LZTFL1: variants seen among roughly 807,000 people sequenced by gnomAD.
LZTFL1 encodes leucine zipper transcription factor like 1.
LZTFL1 carries 25 observed loss-of-function variants against 45.9 expected under a neutral mutation model. That is an observed-to-expected ratio of 0.54 (90% confidence interval 0.40 to 0.76). The LOEUF (loss-of-function observed/expected upper bound fraction) is 0.76. Ranked by LOEUF, LZTFL1 falls within the 30% of genes least tolerant of loss-of-function variation. The pLI is 0.00. For missense variants in LZTFL1, 277 were observed against 331.1 expected, an observed-to-expected ratio of 0.84 and a Z score of 1.27; for synonymous variants, 93 against 117.4, an observed-to-expected ratio of 0.79 and a Z score of 1.35.
At chr3:45,896,087 C>T (rs1702347542) in intron 2 of LZTFL1, among the ~76,000 whole-genome samples, 1 of 152,144 alleles carries the variant, frequency 6.6e-6, no homozygotes, top group Non-Finnish European at 1.5e-5. Flanking sequence ...ATATCCATAA[C>T]AACAAAAAAG....
At chr3:45,913,115 C>T (rs1047778713) in intron 2 of LZTFL1, 7 of 1,535,944 alleles carry the variant, frequency 4.6e-6, no homozygotes, top group Non-Finnish European at 6.1e-6. Flanking sequence ...ATGGTTCAGA[C>T]TTACCATCTT....
At chr3:45,843,473 A>G (rs1387994962), upstream of LZTFL1, among the ~76,000 whole-genome samples, 3 of 152,192 alleles carry the variant, frequency 2.0e-5, no homozygotes, top group Non-Finnish European at 4.4e-5. Context: ...TGATCAGTAA[A>G]CAAAGTTGGT....
chr3:45,868,992 A>T (rs780769838), intron 2 of LZTFL1, among the ~76,000 whole-genome samples: 2 of 152,178 alleles, frequency 1.3e-5, no homozygotes, highest in African/African-American at 2.4e-5. Flanking sequence ...TTTTAATAAG[A>T]TCCCCACTTT....
chr3:45,888,221 C>G (rs2125737079), intron 2 of LZTFL1, among the ~76,000 whole-genome samples: 1 of 152,332 alleles, frequency 6.6e-6, no homozygotes. Context: ...TTCTGACTTT[C>G]ATGCCTTAGT....
upstream of LZTFL1, among the ~76,000 whole-genome samples, chr3:45,842,617 A>G (rs930979579): frequency 3.3e-5 from 5 of 152,014 alleles, no homozygotes; most frequent in Admixed American, 6.6e-5. Flanking sequence ...CTGTGTTGTT[A>G]TTATCTTCTC....
At chr3:45,909,117 C>T (rs781725214) in intron 2 of LZTFL1, among the ~76,000 whole-genome samples, 10 of 152,176 alleles carry the variant, frequency 6.6e-5, no homozygotes, top group African/African-American at 1.2e-4. Flanking sequence ...CCCATTACCC[C>T]GATGAGATCG....
intron 2 of LZTFL1, among the ~76,000 whole-genome samples, chr3:45,881,598 C>A (rs546747411): frequency 1.8e-4 from 28 of 152,328 alleles, no homozygotes; most frequent in African/African-American, 6.5e-4. Flanking sequence ...TGACTACTTT[C>A]TCCTCATTCC....
Position 45,900,914 on chromosome 3 carries a change from T to C in LZTFL1, c.-215+12206A>G. On this transcript the variant is annotated intron_variant, in intron 2 of 4. Coordinates refer to the LZTFL1 transcript ENST00000472635. This position sits in a 1 kb window ranked among gnomAD's most constrained non-coding sequence, Gnocchi z 4.7. ...CTGACTTCTACTGTGAGAAAAACAA[T>C]GTCAGGCAGTTTGCGAGCCATTTCC... 1 of 1,614,194 alleles carries C rather than the reference T, an allele frequency of 6.2e-7. No homozygotes were observed. Among genetic ancestry groups the C allele is most frequent in the Non-Finnish European group, 8.5e-7 (1 of 1,180,030 alleles).
intron 1 of LZTFL1, among the ~76,000 whole-genome samples, chr3:45,913,945 G>A (rs992216510): frequency 1.3e-5 from 2 of 152,140 alleles, no homozygotes; most frequent in Non-Finnish European, 2.9e-5. Context: ...CCATAAAAAA[G>A]TTATGGTTGT....
At chr3:45,908,317 C>T (rs1264310512) in intron 2 of LZTFL1, among the ~76,000 whole-genome samples, 3 of 152,196 alleles carry the variant, frequency 2.0e-5, no homozygotes, top group African/African-American at 7.2e-5. Context: ...GCTGGAGAGG[C>T]CACAAGTAGG....
chr3:45,835,308 G>T, intron 3 of LZTFL1: 1 of 353,482 alleles, frequency 2.8e-6, no homozygotes, highest in African/African-American at 2.1e-5. Context: ...TACTGACCAA[G>T]CTAACAAAAA....
At chr3:45,899,936 T>C (rs1702492900) in intron 2 of LZTFL1, among the ~76,000 whole-genome samples, 1 of 152,200 alleles carries the variant, frequency 6.6e-6, no homozygotes, top group African/African-American at 2.4e-5. Context: ...TGTATGCGCA[T>C]ATATGTGTGT....
At chr3:45,841,057 AT>A (rs906248452) in intron 1 of LZTFL1, among the ~76,000 whole-genome samples, 1 of 152,132 alleles carries the variant, frequency 6.6e-6, no homozygotes, top group African/African-American at 2.4e-5. Context: ...AGAGATACCA[AT>A]TTTTTTGTGA....
chr3:45,875,786 T>G (rs1701742099), intron 2 of LZTFL1, among the ~76,000 whole-genome samples: 1 of 152,256 alleles, frequency 6.6e-6, no homozygotes, highest in South Asian at 2.1e-4. Flanking sequence ...CAATTTTATT[T>G]GTTAAGTTTG....
intron 4 of LZTFL1, among the ~76,000 whole-genome samples, chr3:45,848,707 TTC>T (rs1367375379): frequency 6.6e-6 from 1 of 152,218 alleles, no homozygotes; most frequent in Non-Finnish European, 1.5e-5. Flanking sequence ...TTGTTTACAT[TTC>T]TCTCTGCTGT....
intron 2 of LZTFL1, among the ~76,000 whole-genome samples, chr3:45,887,145 A>G (rs1384508928): frequency 1.3e-5 from 2 of 152,182 alleles, no homozygotes; most frequent in African/African-American, 4.8e-5. Flanking sequence ...ATACGGTTCT[A>G]TGTTGAATTG....
At chr3:45,875,689 G>GAAAC (rs1701740730) in intron 2 of LZTFL1, among the ~76,000 whole-genome samples, 1 of 151,782 alleles carries the variant, frequency 6.6e-6, no homozygotes. Context: ...AAGAAAGAAA[G>GAAAC]AAACAAAAGC....
At position 45,838,446 on chromosome 3, in the gene LZTFL1, C is replaced by G. The variant is rs145662668; in HGVS notation, c.4-395G>C. ...CACGTCTCTACCTCATGGAGAGGCA[C>G]TGACCCTCTCACTGAACTGAGATGA... On this transcript the variant is annotated intron_variant, in intron 1 of 9. Coordinates refer to ENST00000296135, the MANE Select transcript of LZTFL1 (RefSeq NM_020347.4). Among the ~76,000 whole-genome samples the G allele has an allele frequency of 6.2e-3, 940 of 152,326 alleles. 4 individuals are homozygous for G. The highest frequency in any genetic ancestry group is 0.02 in the Middle Eastern group (6 of 294).
intron 2 of LZTFL1, among the ~76,000 whole-genome samples, chr3:45,887,875 G>T (rs915934414): frequency 6.6e-6 from 1 of 151,416 alleles, no homozygotes; most frequent in Non-Finnish European, 1.5e-5. Flanking sequence ...GGAACAAAAA[G>T]CAGAGCTATG....
Sources: gnomAD v4.1 joint callset for allele counts (sites outside exome capture counted in the v4.1 genomes callset) on GRCh38, gnomAD v4.1.1 for gene constraint, Gnocchi (gnomAD v3.1) non-coding constraint, MANE v1.5 for transcripts, NCBI Gene and HGNC (gene_info 2026-07-23, HGNC 2026-07-21) for gene names.